Variants in RNF144B observed in about 807,000 individuals in gnomAD.
The protein encoded by RNF144B is ring finger protein 144B.
A neutral mutation model predicts 40.2 loss-of-function variants in RNF144B; 25 were observed. The observed-to-expected ratio is 0.62, with a 90% confidence interval of 0.45 to 0.87. The LOEUF (loss-of-function observed/expected upper bound fraction) is 0.87, where lower values mean the gene tolerates loss of function less well. Ranked by LOEUF, RNF144B falls within the 40% of genes least tolerant of loss-of-function variation. The pLI is 0.00. For synonymous variants in RNF144B, 145 were observed against 136.3 expected (o/e 1.06, Z -0.44); for missense variants, 365 against 373.7 (o/e 0.98, Z 0.19).
intron 4 of RNF144B, among the ~76,000 whole-genome samples, chr6:18,440,937 G>A (rs563678598): frequency 6.6e-6 from 1 of 151,966 alleles, no homozygotes; most frequent in Admixed American, 6.6e-5. Context: ...CAAATGGTGG[G>A]TACGTTTTTG....
rs9477751 is a variant in RNF144B at position 18,460,927 on chromosome 6, A to G, written c.681+1176A>G. ...CAATTTGGACCTCTAAAATATGTCC[A>G]TATCAGCGTAAGCCCTCAGTTACCA... On this transcript the variant is annotated intron_variant, in intron 6 of 7. Transcript: ENST00000259939. The surrounding 1 kb of genome is among the most constrained non-coding windows in gnomAD (Gnocchi z 4.4). Among the ~76,000 whole-genome samples the G allele has an allele frequency of 2.6e-5, 4 of 152,180 alleles. No individual in the cohort carries two copies. Among genetic ancestry groups the G allele is most frequent in the Non-Finnish European group, 1.5e-5 (1 of 68,034 alleles).
rs971690338 is a variant in RNF144B, at chr6:18,403,609, C to T, written c.165+3910C>T. ...AAATATAAAACATTTTAGACCAAGC[C>T]GTTCTTTCCCTTGGGGCCTGTCGGG... On this transcript the variant is annotated intron_variant, in intron 2 of 7. Coordinates refer to ENST00000259939, the MANE Select transcript of RNF144B (RefSeq NM_182757.4). 5.3e-5 allele frequency among the ~76,000 whole-genome samples: 8 copies of T among 152,284 alleles called. 1 individual carries two copies. The South Asian group carries it at 6.2e-4, about 12-fold the overall frequency.
chr6:18,406,029 C>A lies in RNF144B; in HGVS notation c.165+6330C>A. ...TGGTTTGGCATTTAAGAGAATGGGT[C>A]TCAAGTTTGGTAGCTTAGGCTTTAT... On this transcript the variant is annotated intron_variant, in intron 2 of 7. Transcript: ENST00000259939. The surrounding 1 kb of genome is among the most constrained non-coding windows in gnomAD (Gnocchi z 4.2). 1.9e-6 allele frequency: 1 copy of A among 518,512 alleles called. No individual in the cohort carries two copies. Among genetic ancestry groups the A allele is most frequent in the Non-Finnish European group, 3.9e-6 (1 of 259,642 alleles). The allele number at this position is 518,512 out of a possible 1,614,324, so 32.1% of individuals were successfully genotyped here.
At chr6:18,417,903 G>T (rs1795175870) in intron 2 of RNF144B, among the ~76,000 whole-genome samples, 2 of 152,048 alleles carry the variant, frequency 1.3e-5, no homozygotes, top group Admixed American at 6.6e-5. Context: ...AAATAACTCA[G>T]TTACAAATAG....
In RNF144B at chr6:18,457,170, C is replaced by A; in HGVS notation, c.347C>A (p.Pro116His). Residue 116 changes from proline (P) to histidine (H), a missense_variant, in exon 5 of 8, where the codon CCC (proline) becomes CAC (histidine). Coordinates refer to ENST00000259939, the MANE Select transcript of RNF144B (RefSeq NM_182757.4). This position sits in a 1 kb window ranked among gnomAD's most constrained non-coding sequence, Gnocchi z 5.1. ...TACACTTTAGAAGTTCATCTGGACC[C>A]CTACCGAACATGGTGTCCTGTTGCA... ...LKFEREVHLD[P>H]YRTWCPVADC... The A allele has an allele frequency of 1.3e-5, 21 of 1,613,538 alleles. No individual in the cohort carries two copies. Among genetic ancestry groups the A allele is most frequent in the Non-Finnish European group, 1.7e-5 (20 of 1,179,774 alleles).
At chr6:18,409,401 A>C (rs1309546346) in intron 2 of RNF144B, among the ~76,000 whole-genome samples, 2 of 134,204 alleles carry the variant, frequency 1.5e-5, no homozygotes, top group Non-Finnish European at 3.3e-5. Flanking sequence ...AAAAAAAAAA[A>C]AACCCTGGAA....
chr6:18,457,112 A>G lies in RNF144B; in HGVS notation c.332-43A>G, dbSNP rs749912470. 1.5e-5 allele frequency: 21 copies of G among 1,422,476 alleles called. No individual in the cohort carries two copies. In the South Asian group the frequency reaches 1.7e-4, roughly 12 times the overall value. The allele number at this position is 1,422,476 out of a possible 1,614,324, so 88.1% of individuals were successfully genotyped here. On this transcript the variant is annotated intron_variant, in intron 4 of 7. Transcript: ENST00000259939. The surrounding 1 kb of genome is among the most constrained non-coding windows in gnomAD (Gnocchi z 5.1). Reference sequence around the variant, plus strand: ...AAATGAAGGTGAGAAAGACTCAAACATGAATCGGGCAGACCATCACATTTT... The same window carrying G: ...AAATGAAGGTGAGAAAGACTCAAACGTGAATCGGGCAGACCATCACATTTT...
chr6:18,454,584 G>A (rs1425159476), intron 4 of RNF144B, among the ~76,000 whole-genome samples: 3 of 152,140 alleles, frequency 2.0e-5, no homozygotes, highest in Admixed American at 6.5e-5. Flanking sequence ...ACCTTTATGT[G>A]CTGTCATAAT....
At chr6:18,424,374 C>T (rs572191870) in intron 2 of RNF144B, among the ~76,000 whole-genome samples, 6 of 152,300 alleles carry the variant, frequency 3.9e-5, no homozygotes, top group Non-Finnish European at 7.3e-5. Flanking sequence ...GATGGAATGT[C>T]AAGTGCCTGT....
chr6:18,409,618 T>C (rs1183496712), intron 2 of RNF144B, among the ~76,000 whole-genome samples: 1 of 131,534 alleles, frequency 7.6e-6, no homozygotes, highest in Non-Finnish European at 1.6e-5. Context: ...TCCCCCAGGC[T>C]GGAGTGCAAT....
intron 4 of RNF144B, among the ~76,000 whole-genome samples, chr6:18,453,710 T>C (rs775399021): frequency 5.3e-5 from 8 of 152,232 alleles, no homozygotes; most frequent in Non-Finnish European, 1.2e-4. Flanking sequence ...CACATTTCCA[T>C]GTGCCTCACA....
At chr6:18,387,764 T>G in intron 1 of RNF144B, 134 bp downstream of exon 1, 1 of 577,842 alleles carries the variant, frequency 1.7e-6, no homozygotes, top group Non-Finnish European at 2.6e-6. Flanking sequence ...GCTCAAACCA[T>G]ACAGAACTGA....
Position 18,410,975 on chromosome 6 carries a change from T to G in RNF144B, c.165+11276T>G, listed in dbSNP as rs1327618497. Among the ~76,000 whole-genome samples, 9 of 142,418 alleles carry G rather than the reference T, an allele frequency of 6.3e-5. 1 individual carries two copies. In the East Asian group the frequency reaches 2.0e-3, roughly 31 times the overall value. The allele number at this position is 142,418 out of a possible 152,430, so 93.4% of individuals were successfully genotyped here. On this transcript the variant is annotated intron_variant, in intron 2 of 7. Transcript: ENST00000259939. This position sits in a 1 kb window ranked among gnomAD's most constrained non-coding sequence, Gnocchi z 4.6. ...GGATACTGTCAGCTTTCTTTTCTTT[T>G]TTTTTCTTCTTTTCTTTTCTTTTTT...
Position 18,387,353 on chromosome 6 carries a change from C to T in RNF144B, c.-314C>T, listed in dbSNP as rs937301284. The stretch of plus-strand genomic sequence containing the variant: ...ACGCGCTGCTACCGCTGCTGGCGAG[C>T]TGTGCCCCACGCTCCCGCTGCAACA... On this transcript the variant is annotated 5_prime_UTR_variant, in exon 1 of 8. Transcript: ENST00000259939. 3 of 1,147,756 alleles carry T rather than the reference C, an allele frequency of 2.6e-6. No individual in the cohort carries two copies. In the African/African-American group the frequency reaches 4.9e-5, roughly 19 times the overall value. The allele number at this position is 1,147,756 out of a possible 1,614,324, so 71.1% of individuals were successfully genotyped here.
Position 18,422,681 on chromosome 6 carries a change from GC to G in RNF144B, c.166-4898del, listed in dbSNP as rs1168331629. Among the ~76,000 whole-genome samples the G allele has an allele frequency of 6.6e-6, 1 of 152,114 alleles. No individual in the cohort carries two copies. The highest frequency in any genetic ancestry group is 1.5e-5 in the Non-Finnish European group (1 of 68,014). ...GTCAACTTAAATTTTCAATGAATGGGCCAGTTGCAGTGGCTCACACCTGTAA... is the reference window on the plus strand; with the variant it reads ...GTCAACTTAAATTTTCAATGAATGGGCAGTTGCAGTGGCTCACACCTGTAA... On this transcript the variant is annotated intron_variant, in intron 2 of 7. Transcript: ENST00000259939. The surrounding 1 kb of genome is among the most constrained non-coding windows in gnomAD (Gnocchi z 4.7).
In RNF144B at chr6:18,427,641, C is replaced by G. The variant is rs1463689287; in HGVS notation, c.226C>G (p.Pro76Ala). Reference sequence around the variant, plus strand: ...AGGATGTGGGTCTCCCATCACTTGCCCTGACATGGTGTGCCTAAACCACGG... The same window carrying G: ...AGGATGTGGGTCTCCCATCACTTGCGCTGACATGGTGTGCCTAAACCACGG... ...REGCGSPITC[P>A]DMVCLNHGTL... Residue 76 changes from proline to alanine, a missense_variant, in exon 3 of 8, where the codon CCT becomes GCT. Physicochemically the swap from Pro to Ala is conservative, Grantham distance 27. Transcript: ENST00000259939. 15 of 1,613,512 alleles carry G rather than the reference C, an allele frequency of 9.3e-6. No individual in the cohort carries two copies. Among genetic ancestry groups the G allele is most frequent in the Non-Finnish European group, 7.6e-6 (9 of 1,179,732 alleles).
At chr6:18,413,025 C>T (rs1699889409) in intron 2 of RNF144B, among the ~76,000 whole-genome samples, 1 of 152,142 alleles carries the variant, frequency 6.6e-6, no homozygotes, top group South Asian at 2.1e-4. Flanking sequence ...ATGTAATATG[C>T]AAGGGTACTA....
rs149947997 is a variant in RNF144B at position 18,465,189 on chromosome 6, C to T, written c.*122C>T. On this transcript the variant is annotated 3_prime_UTR_variant, in exon 8 of 8. Transcript: ENST00000259939. ...CTTTGAAAGTGCCTCCGTGTCCAGA[C>T]TTTGAACTTGCCTGCCAGCCTTCAG... 1.3e-5 allele frequency: 13 copies of T among 985,728 alleles called. No individual in the cohort carries two copies. Among genetic ancestry groups the T allele is most frequent in the Middle Eastern group, 2.9e-4 (1 of 3,416 alleles). 61.1% of individuals were successfully genotyped at this position (985,728 alleles called of 1,614,324 possible).
chr6:18,406,457 AGTGTGTGTGTGTGTGTGT>A lies in RNF144B; in HGVS notation c.165+6785_165+6802del, dbSNP rs58124564. On this transcript the variant is annotated intron_variant, in intron 2 of 7. Transcript: ENST00000259939. This position sits in a 1 kb window ranked among gnomAD's most constrained non-coding sequence, Gnocchi z 4.2. ...CAAAGGAGGCTGGTGTGGCTGGAAA[AGTGTGTGTGTGTGTGTGT>A]GTGTGTGTGTGTGTGTGTGTGTGTG... 3.4e-3 allele frequency among the ~76,000 whole-genome samples: 449 copies of A among 131,012 alleles called. 1 individual carries two copies. Among genetic ancestry groups the A allele is most frequent in the African/African-American group, 0.012 (429 of 34,730 alleles). 85.9% of individuals were successfully genotyped at this position (131,012 alleles called of 152,430 possible). A position where few individuals can be genotyped will look rare whatever the true frequency, so the allele number is the denominator to read the frequency against.
Sources: allele counts gnomAD v4.1 joint callset (sites outside exome capture counted in the v4.1 genomes callset), GRCh38; gene constraint gnomAD v4.1.1; non-coding constraint Gnocchi (gnomAD v3.1); transcripts MANE v1.5; gene names NCBI Gene and HGNC (gene_info 2026-07-23, HGNC 2026-07-21).